ATP11A: variants seen among roughly 807,000 people sequenced by gnomAD.
The protein encoded by ATP11A is phospholipid-transporting ATPase IH.
Under a neutral mutation model 154.4 loss-of-function variants are expected in ATP11A, and 81 were observed. The ratio of observed to expected loss-of-function variants is 0.52; its 90% confidence interval spans 0.44 to 0.63. The LOEUF (loss-of-function observed/expected upper bound fraction) is 0.63. Among genes scored for constraint, ATP11A ranks in the 30% least tolerant of loss-of-function variants. ATP11A has a pLI of 0.00. For synonymous variants in ATP11A, 623 were observed against 585.9 expected (o/e 1.06, Z -0.91); for missense variants, 1,316 against 1,474.3 (o/e 0.89, Z 1.76).
At chr13:112,758,071 T>G (rs963543674) in intron 1 of ATP11A, among the ~76,000 whole-genome samples, 4 of 152,214 alleles carry the variant, frequency 2.6e-5, no homozygotes, top group Admixed American at 6.5e-5. Flanking sequence ...ACATTTTTGT[T>G]GTTGTTTTTG....
chr13:112,725,110 C>G (rs1889680230), intron 1 of ATP11A, among the ~76,000 whole-genome samples: 2 of 152,176 alleles, frequency 1.3e-5, no homozygotes, highest in Admixed American at 6.5e-5. Context: ...TGGGGGAAGA[C>G]TTGAACTCCA....
In ATP11A at chr13:112,765,886, G is replaced by A. The variant is rs117753648; in HGVS notation, c.40-19249G>A. Among the ~76,000 whole-genome samples, 90 of 152,336 alleles carry A rather than the reference G, an allele frequency of 5.9e-4. No individual in the cohort carries two copies. In the East Asian group the frequency reaches 0.017, roughly 29 times the overall value. On this transcript the variant is annotated intron_variant, in intron 1 of 29. Coordinates refer to ENST00000375645, the MANE Select transcript of ATP11A (RefSeq NM_015205.3). ...GTAAAGCAGCCACTCCCCTCACAGCGCTGAGCAGGCGTAACCGCCAGGGTC... is the reference window on the plus strand; with the variant it reads ...GTAAAGCAGCCACTCCCCTCACAGCACTGAGCAGGCGTAACCGCCAGGGTC...
At chr13:112,724,694 C>CA (rs897062357) in intron 1 of ATP11A, among the ~76,000 whole-genome samples, 8 of 152,198 alleles carry the variant, frequency 5.3e-5, no homozygotes, top group African/African-American at 1.9e-4. Context: ...GGCCGGCCCC[C>CA]CCCCAGGAAG....
intron 13 of ATP11A, among the ~76,000 whole-genome samples, chr13:112,832,219 G>A (rs944694875): frequency 4.3e-4 from 65 of 152,376 alleles, no homozygotes; most frequent in African/African-American, 1.5e-3. Context: ...TGAAGTCCCA[G>A]GCTGATGCTG....
chr13:112,833,091 G>C, intron 14 of ATP11A, 68 bp downstream of exon 14: 1 of 1,559,446 alleles, frequency 6.4e-7, no homozygotes, highest in Non-Finnish European at 8.7e-7. Flanking sequence ...GCCCCAGTCA[G>C]GGATTTGCAC....
At chr13:112,877,041 G>C (rs1404511837) in intron 28 of ATP11A, among the ~76,000 whole-genome samples, 1 of 152,238 alleles carries the variant, frequency 6.6e-6, no homozygotes, top group East Asian at 1.9e-4. Flanking sequence ...GCCACAGTTT[G>C]TAAAATCAGA....
chr13:112,786,121 C>T lies in ATP11A; in HGVS notation c.162+864C>T, dbSNP rs1288885522. Among the ~76,000 whole-genome samples the T allele has an allele frequency of 8.4e-5, 5 of 59,684 alleles. 1 individual carries two copies. The highest frequency in any genetic ancestry group is 1.5e-4 in the Non-Finnish European group (5 of 32,644). 39.2% of individuals were successfully genotyped at this position (59,684 alleles called of 152,430 possible). On this transcript the variant is annotated intron_variant, in intron 2 of 29. Transcript: ENST00000375645. ...TGGATGAGCTAAACCCACGCACACG[C>T]GTGGACGGGCTGCACATGGGGTAAA...
chr13:112,809,540 G>A (rs1211773564), intron 4 of ATP11A, among the ~76,000 whole-genome samples: 1 of 152,136 alleles, frequency 6.6e-6, no homozygotes, highest in Non-Finnish European at 1.5e-5. Flanking sequence ...CATCCTGTGT[G>A]GTTGTGTGTC....
chr13:112,849,995 C>T (rs1472710771), intron 17 of ATP11A, among the ~76,000 whole-genome samples: 1 of 152,192 alleles, frequency 6.6e-6, no homozygotes, highest in African/African-American at 2.4e-5. Flanking sequence ...CACATAGACC[C>T]TGTCTTGTGT....
intron 1 of ATP11A, among the ~76,000 whole-genome samples, chr13:112,712,330 A>G (rs1441247125): frequency 6.6e-6 from 1 of 152,194 alleles, no homozygotes; most frequent in Non-Finnish European, 1.5e-5. Flanking sequence ...TGCTGGGGCT[A>G]AGGGAGTCAG....
intron 2 of ATP11A, among the ~76,000 whole-genome samples, chr13:112,789,222 C>T (rs534034671): frequency 6.2e-4 from 93 of 150,874 alleles, no homozygotes; most frequent in African/African-American, 2.2e-3. Context: ...GTGTAGACCC[C>T]TGTGGATACC....
In ATP11A at chr13:112,871,728, CAAACAGATATTTGG is replaced by C; in HGVS notation, c.2992-2_3003del. The C allele has an allele frequency of 6.2e-7, 1 of 1,613,586 alleles. No individual in the cohort carries two copies. The highest frequency in any genetic ancestry group is 8.5e-7 in the Non-Finnish European group (1 of 1,179,510). On this transcript the variant is annotated splice_acceptor_variant and splice_polypyrimidine_tract_variant and coding_sequence_variant and intron_variant, in exon 26 of 30. Coordinates refer to ENST00000375645, the MANE Select transcript of ATP11A (RefSeq NM_015205.3). Reference sequence around the variant, plus strand: ...ACGAGATGACTTGGACTATTTTCCCCAAACAGATATTTGGAAACTGGACGTTTGGAACGCTGGTA... The same window carrying C: ...ACGAGATGACTTGGACTATTTTCCCCAAACTGGACGTTTGGAACGCTGGTA...
chr13:112,697,627 G>A lies in ATP11A; in HGVS notation c.39+7172G>A, dbSNP rs1477408181. On this transcript the variant is annotated intron_variant, in intron 1 of 29. Coordinates refer to ENST00000375645, the MANE Select transcript of ATP11A (RefSeq NM_015205.3). This position sits in a 1 kb window ranked among gnomAD's most constrained non-coding sequence, Gnocchi z 4.0. ...GTGTTGCTCAGGCTGGAGTGCAGTG[G>A]CTTGATCTTGGCTCACTGCATCCTC... Among the ~76,000 whole-genome samples the A allele has an allele frequency of 6.6e-6, 1 of 152,062 alleles. No homozygotes were observed. Among genetic ancestry groups the A allele is most frequent in the Non-Finnish European group, 1.5e-5 (1 of 68,018 alleles).
intron 1 of ATP11A, among the ~76,000 whole-genome samples, chr13:112,762,239 C>G (rs1334677290): frequency 6.6e-6 from 1 of 152,142 alleles, no homozygotes; most frequent in Non-Finnish European, 1.5e-5. Flanking sequence ...TCCTGCTGGC[C>G]TCCTATCACA....
intron 20 of ATP11A, 83 bp from the exon 21 acceptor site, chr13:112,857,735 C>G: frequency 8.7e-7 from 1 of 1,144,346 alleles, no homozygotes; most frequent in Non-Finnish European, 1.3e-6. Flanking sequence ...AACTTTTCAT[C>G]TTTGTTATTT....
chr13:112,854,858 C>T (rs1214670638), intron 19 of ATP11A, among the ~76,000 whole-genome samples: 1 of 152,220 alleles, frequency 6.6e-6, no homozygotes, highest in Non-Finnish European at 1.5e-5. Flanking sequence ...GACTTAGGGG[C>T]TCTGCTTCAG....
At chr13:112,842,936 G>C (rs561475953) in intron 17 of ATP11A, among the ~76,000 whole-genome samples, 1 of 152,250 alleles carries the variant, frequency 6.6e-6, no homozygotes, top group Non-Finnish European at 1.5e-5. Flanking sequence ...GGGCTGCTGC[G>C]GTAGGGGGCC....
Position 112,832,906 on chromosome 13 carries a change from T to G in ATP11A, c.1442T>G (p.Val481Gly). 1 of 1,614,036 alleles carries G rather than the reference T, an allele frequency of 6.2e-7. No homozygotes were observed. The highest frequency in any genetic ancestry group is 8.5e-7 in the Non-Finnish European group (1 of 1,179,978). ...FFRALCLCHT[V>G]QVKDDDSVDG... ...CGGGCCCTCTGTCTCTGCCACACCG[T>G]CCAGGTGAAAGACGATGACAGCGTA... is the stretch of plus-strand genomic sequence containing the variant. The change falls in exon 14 of 30, where the codon GTC becomes GGC. Residue 481 changes from valine to glycine, a missense_variant. Transcript: ENST00000375645.
intron 1 of ATP11A, among the ~76,000 whole-genome samples, chr13:112,731,498 C>T (rs1431437682): frequency 6.6e-6 from 1 of 152,172 alleles, no homozygotes; most frequent in Admixed American, 6.5e-5. Flanking sequence ...AGTTGATAAT[C>T]AATTGCACGG....
Sources: gnomAD v4.1 joint callset for allele counts (sites outside exome capture counted in the v4.1 genomes callset) on GRCh38, gnomAD v4.1.1 for gene constraint, Gnocchi (gnomAD v3.1) non-coding constraint, MANE v1.5 for transcripts, NCBI Gene and HGNC (gene_info 2026-07-23, HGNC 2026-07-21) for gene names.